The following KARS1 variants were observed in gnomAD, a reference collection of about 807,000 sequenced individuals.
KARS1 encodes the protein lysine--tRNA ligase.
A neutral mutation model predicts 63.9 loss-of-function variants in KARS1; 50 were observed. The ratio of observed to expected loss-of-function variants is 0.78; its 90% CI spans 0.62 to 0.99. KARS1 has a LOEUF of 0.99. Among genes scored for constraint, KARS1 ranks in the 50% least tolerant of loss-of-function variants. KARS1 has a pLI of 0.00. For synonymous variants in KARS1, 320 were observed against 264.6 expected (o/e 1.21, Z -2.03); for missense variants, 816 against 754.5 (o/e 1.08, Z -0.95).
At chr16:75,630,547 G>C (rs757028497) in intron 10 of KARS1, 39 bp from the exon 11 acceptor site, 1 of 1,319,738 alleles carries the variant, frequency 7.6e-7, no homozygotes, top group Admixed American at 1.7e-5. Context: ...CACCATTTCT[G>C]AATAGTATTT....
In KARS1 at chr16:75,644,320, C is replaced by A. The variant is rs1244356092; in HGVS notation, c.63-2597G>T. ...GAAAATGACTTGTCCTTGTGAGGCG[C>A]TGTGAAAGGAGCAAGTTGACCCAGT... On this transcript the variant is annotated intron_variant, in intron 1 of 13. Coordinates refer to ENST00000302445, the MANE Select transcript of KARS1 (RefSeq NM_005548.3). The A allele has an allele frequency of 1.9e-6, 3 of 1,607,858 alleles. No individual in the cohort carries two copies. The East Asian group carries it at 6.7e-5, about 36-fold the overall frequency.
intron 6 of KARS1, among the ~76,000 whole-genome samples, chr16:75,634,638 C>T (rs529824990): frequency 1.3e-5 from 2 of 152,146 alleles, no homozygotes; most frequent in Admixed American, 6.6e-5. Flanking sequence ...TGCAGCAGCG[C>T]GATCTCGGCT....
intron 3 of KARS1, chr16:75,639,895 G>C: frequency 2.3e-6 from 1 of 434,918 alleles, no homozygotes; most frequent in Non-Finnish European, 4.2e-6. Context: ...TTAGGCCAAA[G>C]ACTGGAATTC....
chr16:75,647,055 T>C (rs2082294472), intron 1 of KARS1, among the ~76,000 whole-genome samples: 6 of 152,238 alleles, frequency 3.9e-5, no homozygotes, highest in Admixed American at 3.9e-4. Flanking sequence ...CACTTAATAC[T>C]CACAGGTATC....
chr16:75,645,322 G>C (rs938434455), intron 1 of KARS1, among the ~76,000 whole-genome samples: 1 of 152,246 alleles, frequency 6.6e-6, no homozygotes, highest in Non-Finnish European at 1.5e-5. Flanking sequence ...TCACAGGCCT[G>C]AGTTCAGATC....
intron 1 of KARS1, among the ~76,000 whole-genome samples, chr16:75,646,210 T>C (rs2082281807): frequency 6.6e-6 from 1 of 152,218 alleles, no homozygotes; most frequent in Non-Finnish European, 1.5e-5. Flanking sequence ...ATACTTTTTC[T>C]AAGATATTTG....
chr16:75,633,031 T>C (rs114768348), intron 7 of KARS1, among the ~76,000 whole-genome samples: 2,848 of 151,890 alleles, frequency 0.019, 76 homozygotes, highest in African/African-American at 0.051. Context: ...TGGGGGGAGG[T>C]TGACCAAAGA....
At chr16:75,642,281 A>C (rs990002676) in intron 1 of KARS1, among the ~76,000 whole-genome samples, 4 of 141,074 alleles carry the variant, frequency 2.8e-5, no homozygotes, top group African/African-American at 1.0e-4. Context: ...AGCTTACTGC[A>C]ATCTCTGCCT....
At chr16:75,633,918 A>G in intron 7 of KARS1, 1 of 447,176 alleles carries the variant, frequency 2.2e-6, no homozygotes, top group Non-Finnish European at 4.2e-6. Flanking sequence ...TAAAAGTTTT[A>G]GGGGAACCAA....
At chr16:75,640,496 T>C (rs2151809610) in intron 2 of KARS1, 147 bp from the exon 3 acceptor site, 1 of 753,754 alleles carries the variant, frequency 1.3e-6, no homozygotes. Flanking sequence ...CAGGATTGAA[T>C]ATGGAGTGAG....
intron 1 of KARS1, among the ~76,000 whole-genome samples, chr16:75,644,829 G>A (rs1040410916): frequency 1.3e-5 from 2 of 152,240 alleles, no homozygotes; most frequent in African/African-American, 2.4e-5. Context: ...GCCACAAGAT[G>A]GCAATAGGAA....
intron 1 of KARS1, among the ~76,000 whole-genome samples, chr16:75,646,473 G>A (rs2082284864): frequency 6.6e-6 from 1 of 151,524 alleles, no homozygotes; most frequent in South Asian, 2.1e-4. Flanking sequence ...CCCTGGCAGC[G>A]AAGGTTGCAG....
intron 1 of KARS1, among the ~76,000 whole-genome samples, chr16:75,643,480 C>T (rs1408913380): frequency 6.6e-6 from 1 of 151,694 alleles, no homozygotes; most frequent in Non-Finnish European, 1.5e-5. Flanking sequence ...CGGGTTCACA[C>T]CATTTTCCTG....
intron 1 of KARS1, among the ~76,000 whole-genome samples, chr16:75,647,019 G>C (rs1390140113): frequency 1.3e-5 from 2 of 152,198 alleles, no homozygotes; most frequent in Non-Finnish European, 2.9e-5. Flanking sequence ...GCTGAATTAA[G>C]ATGGTCTCTA....
chr16:75,641,230 T>G (rs1012472197), intron 2 of KARS1, among the ~76,000 whole-genome samples: 2 of 152,082 alleles, frequency 1.3e-5, no homozygotes, highest in African/African-American at 2.4e-5. Flanking sequence ...GAGAGTGGGT[T>G]TGGCTGGTGG....
rs1165948189 is a variant in KARS1, at chr16:75,647,455, T to G, written c.62+123A>C. ...AGGGCGCAGCCACCACGTCTCAGCA[T>G]GTGCGTACCCACGAGAGCCGGCAAG... is the stretch of plus-strand genomic sequence containing the variant. On this transcript the variant is annotated intron_variant, in intron 1 of 13. Coordinates refer to ENST00000302445, the MANE Select transcript of KARS1 (RefSeq NM_005548.3). 13 of 906,452 alleles carry G rather than the reference T, an allele frequency of 1.4e-5. No homozygotes were observed. In the Middle Eastern group the frequency reaches 9.4e-4, roughly 66 times the overall value. 56.2% of individuals were successfully genotyped at this position (906,452 alleles called of 1,614,324 possible).
intron 1 of KARS1, among the ~76,000 whole-genome samples, chr16:75,645,211 A>T (rs1169511204): frequency 6.6e-6 from 1 of 152,086 alleles, no homozygotes; most frequent in Non-Finnish European, 1.5e-5. Context: ...ATCAGAAAAA[A>T]ATTATTTTAG....
chr16:75,631,262 CA>C lies in KARS1; in HGVS notation c.1253-10del, dbSNP rs753532467. The stretch of plus-strand genomic sequence containing the variant: ...AAGAATTTTGCGAGTTTCTGGGACA[CA>C]AATGCAAAAGTTAGGGCAGGAGACA... On this transcript the variant is annotated splice_polypyrimidine_tract_variant and intron_variant, in intron 9 of 13. Coordinates refer to ENST00000302445, the MANE Select transcript of KARS1 (RefSeq NM_005548.3). 11 of 1,613,174 alleles carry C rather than the reference CA, an allele frequency of 6.8e-6. No individual in the cohort carries two copies. Among genetic ancestry groups the C allele is most frequent in the Admixed American group, 1.7e-5 (1 of 59,918 alleles).
chr16:75,639,374 C>T (rs1200804212), intron 3 of KARS1, among the ~76,000 whole-genome samples: 2 of 151,616 alleles, frequency 1.3e-5, no homozygotes, highest in Non-Finnish European at 2.9e-5. Flanking sequence ...GAGTTCGAGA[C>T]CAGCCTGGTC....
Sources: allele counts gnomAD v4.1 joint callset (sites outside exome capture counted in the v4.1 genomes callset), GRCh38; gene constraint gnomAD v4.1.1; transcripts MANE v1.5; gene names NCBI Gene and HGNC (gene_info 2026-07-23, HGNC 2026-07-21).